The following CHMP4C variants were observed in gnomAD, a reference collection of about 807,000 sequenced individuals.
CHMP4C encodes the protein charged multivesicular body protein 4C.
CHMP4C carries 28 observed loss-of-function variants against 29.0 expected under a neutral mutation model. The observed-to-expected ratio is 0.97, with a 90% CI of 0.72 to 1.32. The LOEUF is 1.32. Among genes scored for constraint, CHMP4C ranks in the 40% most tolerant of loss-of-function variants. CHMP4C has a pLI of 0.00. For synonymous variants in CHMP4C, 106 were observed against 102.4 expected (o/e 1.04, Z -0.21); for missense variants, 291 against 281.0 (o/e 1.04, Z -0.25).
intron 1 of CHMP4C, among the ~76,000 whole-genome samples, chr8:81,741,532 C>T (rs1419449038): frequency 2.6e-5 from 4 of 152,184 alleles, no homozygotes; most frequent in Non-Finnish European, 4.4e-5. Flanking sequence ...ACCAGATACT[C>T]TAACCAGTGA....
At chr8:81,757,549 T>C (rs748244973) in intron 3 of CHMP4C, among the ~76,000 whole-genome samples, 21 of 152,106 alleles carry the variant, frequency 1.4e-4, no homozygotes, top group Non-Finnish European at 2.4e-4. Flanking sequence ...GGACAGAGAG[T>C]AGTTTAAGAT....
intron 1 of CHMP4C, among the ~76,000 whole-genome samples, chr8:81,751,880 T>G (rs148248090): frequency 6.6e-6 from 1 of 152,058 alleles, no homozygotes; most frequent in Non-Finnish European, 1.5e-5. Flanking sequence ...AATGTTGAAA[T>G]AGTGGTCTAT....
At chr8:81,738,511 C>T (rs1318357350) in intron 1 of CHMP4C, among the ~76,000 whole-genome samples, 1 of 152,178 alleles carries the variant, frequency 6.6e-6, no homozygotes, top group Admixed American at 6.5e-5. Flanking sequence ...CACAATCCCA[C>T]TCTTAGTTCA....
In CHMP4C at chr8:81,732,788, CAAG is replaced by C; in HGVS notation, c.166_168del (p.Lys56del). On this transcript the variant is annotated inframe_deletion, in exon 1 of 5. Transcript: ENST00000297265. ...GAATCCAGAGAGAAATCGCCCTGGC[CAAG>C]AAGCACGGCACGCAGAATAAGCGAG... 6.2e-7 allele frequency: 1 copy of C among 1,612,374 alleles called. No individual in the cohort carries two copies. Among genetic ancestry groups the C allele is most frequent in the South Asian group, 1.1e-5 (1 of 90,530 alleles).
intron 1 of CHMP4C, among the ~76,000 whole-genome samples, chr8:81,747,969 C>T (rs58383131): frequency 2.6e-5 from 4 of 151,956 alleles, no homozygotes; most frequent in South Asian, 2.1e-4. Flanking sequence ...AGCCTGGGAG[C>T]GCTATGGGAG....
intron 2 of CHMP4C, 29 bp downstream of exon 2, chr8:81,753,270 A>T: frequency 6.5e-7 from 1 of 1,550,306 alleles, no homozygotes; most frequent in Non-Finnish European, 8.7e-7. Flanking sequence ...CCTCTGAATC[A>T]TAAATTCCCT....
chr8:81,756,780 C>T (rs971435429), intron 3 of CHMP4C, among the ~76,000 whole-genome samples: 7 of 152,094 alleles, frequency 4.6e-5, no homozygotes, highest in African/African-American at 1.2e-4. Flanking sequence ...GGCATACATT[C>T]GGCATAGGAT....
rs141282498 is a variant in CHMP4C at position 81,752,155 on chromosome 8, T to C, written c.191-909T>C. ...CTTCTCTCCAAAATCTCTGTTGTGA[T>C]AACTTACCTGCTTTACTTTGAAACC... On this transcript the variant is annotated intron_variant, in intron 1 of 4. Coordinates refer to ENST00000297265, the MANE Select transcript of CHMP4C (RefSeq NM_152284.4). Among the ~76,000 whole-genome samples the C allele has an allele frequency of 7.2e-4, 110 of 152,356 alleles. 1 individual carries two copies. The highest frequency in any genetic ancestry group is 2.9e-3 in the Admixed American group (44 of 15,292).
chr8:81,749,069 C>T (rs1808865791), intron 1 of CHMP4C, among the ~76,000 whole-genome samples: 1 of 152,076 alleles, frequency 6.6e-6, no homozygotes, highest in South Asian at 2.1e-4. Context: ...TATAATCACG[C>T]AGCCTGATAT....
chr8:81,739,428 T>C (rs201499444), intron 1 of CHMP4C, among the ~76,000 whole-genome samples: 2 of 66,614 alleles, frequency 3.0e-5, no homozygotes, highest in Admixed American at 1.8e-4. Context: ...TGGGGGGGGG[T>C]GGAAAAAAAA....
intron 3 of CHMP4C, among the ~76,000 whole-genome samples, chr8:81,755,691 T>G (rs1260423504): frequency 6.6e-6 from 1 of 152,222 alleles, no homozygotes; most frequent in African/African-American, 2.4e-5. Flanking sequence ...CTGATTAAGT[T>G]TTCAGCTATT....
At chr8:81,750,213 TA>T (rs1808880879) in intron 1 of CHMP4C, among the ~76,000 whole-genome samples, 1 of 151,916 alleles carries the variant, frequency 6.6e-6, no homozygotes, top group Admixed American at 6.6e-5. Context: ...CATAATCTTT[TA>T]AAAAAGGGTA....
chr8:81,744,834 A>C (rs1244582530), intron 1 of CHMP4C, among the ~76,000 whole-genome samples: 1 of 152,210 alleles, frequency 6.6e-6, no homozygotes, highest in African/African-American at 2.4e-5. Context: ...ACACAGTGCC[A>C]GGCATGTCAT....
At chr8:81,757,967 A>G (rs1337870498) in intron 3 of CHMP4C, among the ~76,000 whole-genome samples, 175 bp from the exon 4 acceptor site, 2 of 152,210 alleles carry the variant, frequency 1.3e-5, no homozygotes, top group Non-Finnish European at 2.9e-5. Flanking sequence ...AACCCAGAAT[A>G]TTCATTTTTT....
intron 1 of CHMP4C, among the ~76,000 whole-genome samples, chr8:81,751,736 T>C (rs1391409076): frequency 2.0e-5 from 3 of 152,034 alleles, no homozygotes; most frequent in Admixed American, 6.6e-5. Flanking sequence ...GTTACTACAA[T>C]AAATGAGACT....
intron 1 of CHMP4C, among the ~76,000 whole-genome samples, chr8:81,738,843 AG>A (rs779714526): frequency 3.3e-5 from 5 of 152,224 alleles, no homozygotes; most frequent in African/African-American, 7.2e-5. Context: ...TATTCACTAA[AG>A]ATTCTAATTT....
chr8:81,737,604 C>T (rs1386573387), intron 1 of CHMP4C, among the ~76,000 whole-genome samples: 2 of 152,170 alleles, frequency 1.3e-5, no homozygotes, highest in Non-Finnish European at 2.9e-5. Context: ...AGAGCCTGGG[C>T]TTCAAAGCAG....
intron 1 of CHMP4C, among the ~76,000 whole-genome samples, chr8:81,737,017 A>G (rs547846126): frequency 6.6e-6 from 1 of 152,356 alleles, no homozygotes; most frequent in South Asian, 2.1e-4. Flanking sequence ...TCTGTTGATC[A>G]AAAGAGTAAC....
chr8:81,734,727 G>A (rs1244474795), intron 1 of CHMP4C, among the ~76,000 whole-genome samples: 1 of 152,016 alleles, frequency 6.6e-6, no homozygotes, highest in Non-Finnish European at 1.5e-5. Flanking sequence ...AATAATGTGG[G>A]TTTTACTGAT....
Sources: gnomAD v4.1 joint callset for allele counts (sites outside exome capture counted in the v4.1 genomes callset) on GRCh38, gnomAD v4.1.1 for gene constraint, MANE v1.5 for transcripts, NCBI Gene and HGNC (gene_info 2026-07-23, HGNC 2026-07-21) for gene names.